DPPA2: variants seen among roughly 807,000 people sequenced by gnomAD.
The protein encoded by DPPA2 is developmental pluripotency associated 2, also known as developmental pluripotency-associated protein 2.
A neutral mutation model predicts 36.2 loss-of-function variants in DPPA2; 26 were observed. That is an observed-to-expected ratio of 0.72 (90% confidence interval 0.53 to 1.00). The LOEUF is 1.00. Ranked by LOEUF, DPPA2 falls within the 50% of genes least tolerant of loss-of-function variation. The pLI is 0.00. For synonymous variants in DPPA2, 113 were observed against 123.2 expected (o/e 0.92, Z 0.55); for missense variants, 361 against 365.1 (o/e 0.99, Z 0.09).
intron 8 of DPPA2, among the ~76,000 whole-genome samples, chr3:109,299,187 G>A (rs34056058): frequency 0.011 from 1,554 of 145,748 alleles, 79 homozygotes; most frequent in East Asian, 0.074. Context: ...GTGAAACCCC[G>A]ACTCTACTAA....
intron 7 of DPPA2, among the ~76,000 whole-genome samples, chr3:109,301,068 T>G (rs953867742): frequency 1.3e-5 from 2 of 151,210 alleles, no homozygotes; most frequent in African/African-American, 4.9e-5. Flanking sequence ...ACTGCAGCCT[T>G]GACTTCCAGG....
chr3:109,299,943 T>C lies in DPPA2; in HGVS notation c.*22+428A>G, dbSNP rs1162029824. Among the ~76,000 whole-genome samples the C allele has an allele frequency of 7.0e-4, 107 of 151,942 alleles. 1 individual carries two copies. Among genetic ancestry groups the C allele is most frequent in the Non-Finnish European group, 4.4e-5 (3 of 67,990 alleles). ...GCCCTGCCTCATCAATTGTAAAAAA[T>C]GTAGCACACTAATGCAAGTTACTAA... On this transcript the variant is annotated intron_variant, in intron 8 of 8. Coordinates refer to ENST00000478945, the MANE Select transcript of DPPA2 (RefSeq NM_138815.4).
At chr3:109,310,242 A>G (rs796990401) in intron 3 of DPPA2, among the ~76,000 whole-genome samples, 47 of 141,890 alleles carry the variant, frequency 3.3e-4, no homozygotes, top group Non-Finnish European at 4.2e-4. Flanking sequence ...AAAAAAAAAA[A>G]AAAAGAAAAA....
At chr3:109,297,386 TG>T (rs1160944979) in intron 8 of DPPA2, among the ~76,000 whole-genome samples, 1 of 152,028 alleles carries the variant, frequency 6.6e-6, no homozygotes. Context: ...TAACCAGTCA[TG>T]GTAGCGTGTG....
intron 8 of DPPA2, among the ~76,000 whole-genome samples, chr3:109,299,719 G>GAA (rs1707424785): frequency 7.0e-6 from 1 of 142,602 alleles, no homozygotes; most frequent in African/African-American, 2.5e-5. Context: ...AAAAGAAAAA[G>GAA]AAAAAAGAAT....
At chr3:109,303,872 C>T (rs1707501475) in intron 7 of DPPA2, among the ~76,000 whole-genome samples, 2 of 151,948 alleles carry the variant, frequency 1.3e-5, no homozygotes, top group African/African-American at 4.8e-5. Flanking sequence ...CACGGTGGCT[C>T]ATGCCCTTAA....
At chr3:109,313,000 TTTCA>T (rs1396520062) in intron 2 of DPPA2, among the ~76,000 whole-genome samples, 3 of 152,296 alleles carry the variant, frequency 2.0e-5, no homozygotes, top group African/African-American at 4.8e-5. Context: ...CACAAAATAC[TTTCA>T]TTAAGTCTCC....
chr3:109,314,897 T>G (rs1278606041), intron 1 of DPPA2, among the ~76,000 whole-genome samples: 1 of 151,796 alleles, frequency 6.6e-6, no homozygotes, highest in Non-Finnish European at 1.5e-5. Context: ...GACCCCCATT[T>G]CTACAAAAAA....
At chr3:109,302,263 T>C (rs911490827) in intron 7 of DPPA2, among the ~76,000 whole-genome samples, 1 of 152,196 alleles carries the variant, frequency 6.6e-6, no homozygotes, top group Non-Finnish European at 1.5e-5. Flanking sequence ...CCAAACACCA[T>C]AGATTCTTCT....
intron 3 of DPPA2, among the ~76,000 whole-genome samples, chr3:109,310,068 A>AG (rs1008715515): frequency 3.8e-4 from 57 of 151,702 alleles, no homozygotes; most frequent in African/African-American, 1.3e-3. Flanking sequence ...ACTAAAAAAA[A>AG]AAATTCAAAA....
intron 1 of DPPA2, 53 bp from the exon 2 acceptor site, chr3:109,314,608 A>G: frequency 6.6e-7 from 1 of 1,513,238 alleles, no homozygotes; most frequent in South Asian, 1.3e-5. Flanking sequence ...ACTTCTCTTA[A>G]CCTGCTTTCT....
rs1707512389 is a variant in DPPA2, at chr3:109,304,459, G to C, written c.854+16C>G. 6.3e-7 allele frequency: 1 copy of C among 1,586,218 alleles called. No homozygotes were observed. The highest frequency in any genetic ancestry group is 1.4e-5 in the African/African-American group (1 of 73,970). On this transcript the variant is annotated intron_variant, in intron 7 of 8. Transcript: ENST00000478945. ...CTTTTCTGTGTGCCATGCTTAACAA[G>C]ATACATAAGGGTTACCTCTTAGCAC...
At chr3:109,300,821 C>CAA (rs767043097) in intron 7 of DPPA2, among the ~76,000 whole-genome samples, 54 of 68,060 alleles carry the variant, frequency 7.9e-4, no homozygotes, top group African/African-American at 2.4e-3. Context: ...GACTCAGTCT[C>CAA]AAAAAAAAAA....
chr3:109,299,695 A>AAAAAAAG (rs1375592094), intron 8 of DPPA2, among the ~76,000 whole-genome samples: 58 of 150,148 alleles, frequency 3.9e-4, no homozygotes, highest in African/African-American at 1.4e-3. Context: ...TCAAAAAAAA[A>AAAAAAAG]AAAAAGAAAA....
rs767396071 is a variant in DPPA2 at position 109,304,455 on chromosome 3, A to G, written c.854+20T>C. On this transcript the variant is annotated intron_variant, in intron 7 of 8. Coordinates refer to ENST00000478945, the MANE Select transcript of DPPA2 (RefSeq NM_138815.4). Reference sequence around the variant, plus strand: ...CCTACTTTTCTGTGTGCCATGCTTAACAAGATACATAAGGGTTACCTCTTA... The same window carrying G: ...CCTACTTTTCTGTGTGCCATGCTTAGCAAGATACATAAGGGTTACCTCTTA... 4 of 1,585,814 alleles carry G rather than the reference A, an allele frequency of 2.5e-6. No individual in the cohort carries two copies. The highest frequency in any genetic ancestry group is 3.4e-6 in the Non-Finnish European group (4 of 1,166,676).
At chr3:109,304,393 T>C in intron 7 of DPPA2, 82 bp downstream of exon 7, 1 of 1,402,922 alleles carries the variant, frequency 7.1e-7, no homozygotes, top group Non-Finnish European at 9.6e-7. Flanking sequence ...CGCCCTCTGC[T>C]TTCTACTGTT....
chr3:109,306,635 G>A (rs1707570370), intron 6 of DPPA2, among the ~76,000 whole-genome samples: 1 of 151,954 alleles, frequency 6.6e-6, no homozygotes, highest in African/African-American at 2.4e-5. Flanking sequence ...AAGAAGAGCA[G>A]GAGTTGGAGA....
chr3:109,310,429 A>G (rs1208864962), intron 3 of DPPA2, among the ~76,000 whole-genome samples: 1 of 141,148 alleles, frequency 7.1e-6, no homozygotes, highest in Non-Finnish European at 1.5e-5. Context: ...AAAAAAAAAA[A>G]GGGAGGTAAG....
chr3:109,313,753 C>CTATTTA (rs1707746338), intron 2 of DPPA2, among the ~76,000 whole-genome samples: 1 of 152,178 alleles, frequency 6.6e-6, no homozygotes, highest in African/African-American at 2.4e-5. Flanking sequence ...CTCCTGTCTC[C>CTATTTA]TATTTAACCT....
Sources: gnomAD v4.1 joint callset for allele counts (sites outside exome capture counted in the v4.1 genomes callset) on GRCh38, gnomAD v4.1.1 for gene constraint, MANE v1.5 for transcripts, NCBI Gene and HGNC (gene_info 2026-07-23, HGNC 2026-07-21) for gene names.